XPO7: variants seen among roughly 807,000 people sequenced by gnomAD.
The protein encoded by XPO7 is exportin 7, also known as exportin-7.
XPO7 carries 21 observed loss-of-function variants against 144.3 expected under a neutral mutation model. The observed-to-expected ratio is 0.15, with a 90% CI of 0.10 to 0.21. The LOEUF (loss-of-function observed/expected upper bound fraction) is 0.21. XPO7 is among the 10% of genes least tolerant of loss of function. XPO7 has a pLI of 1.00. For missense variants in XPO7, 808 were observed against 1,325.8 expected, an observed-to-expected ratio of 0.61 and a Z score of 6.06; for synonymous variants, 580 against 499.6, an observed-to-expected ratio of 1.16 and a Z score of -2.15.
At chr8:21,929,673 A>C (rs1225016048) in intron 1 of XPO7, among the ~76,000 whole-genome samples, 1 of 152,222 alleles carries the variant, frequency 6.6e-6, no homozygotes, top group Non-Finnish European at 1.5e-5. Flanking sequence ...TATTTACCAT[A>C]AAGTTTTTCA....
At position 21,974,687 on chromosome 8, in the gene XPO7, T is replaced by C; in HGVS notation, c.510T>C (p.Pro170=). 1 of 1,591,978 alleles carries C rather than the reference T, an allele frequency of 6.3e-7. No individual in the cohort carries two copies. The change falls in exon 6 of 28, where the codon CCT becomes CCC. Residue 170 remains proline (P), a synonymous_variant. Coordinates refer to ENST00000252512, the MANE Select transcript of XPO7 (RefSeq NM_015024.5). The part of the protein sequence containing the change: ...NEINQADTTH[P]LTKHRKIASS... ...CTGCACAGGCAGACACCACCCATCC[T>C]TTAACCAAGCACAGAAAAATAGCCT... is the stretch of plus-strand genomic sequence containing the variant.
chr8:21,934,159 A>G (rs943556402), intron 1 of XPO7, among the ~76,000 whole-genome samples: 2 of 152,236 alleles, frequency 1.3e-5, no homozygotes, highest in African/African-American at 2.4e-5. Flanking sequence ...ACCAATAAAT[A>G]TATATTTATA....
At chr8:21,934,560 T>C (rs1456206490) in intron 1 of XPO7, among the ~76,000 whole-genome samples, 1 of 151,574 alleles carries the variant, frequency 6.6e-6, no homozygotes, top group African/African-American at 2.4e-5. Context: ...TATTTTAAGA[T>C]AGAGAACTGA....
chr8:21,985,732 G>T (rs1197708022), intron 13 of XPO7, 41 bp downstream of exon 13: 1 of 1,572,336 alleles, frequency 6.4e-7, no homozygotes, highest in Admixed American at 1.7e-5. Context: ...TGCCTTGCTG[G>T]CACTTCTCCA....
intron 1 of XPO7, among the ~76,000 whole-genome samples, chr8:21,942,974 T>G (rs1231742519): frequency 6.6e-6 from 1 of 152,228 alleles, no homozygotes; most frequent in African/African-American, 2.4e-5. Flanking sequence ...CTGCCTTAGT[T>G]TGTGCTAAAG....
At chr8:21,927,556 T>C (rs1371178504) in intron 1 of XPO7, among the ~76,000 whole-genome samples, 2 of 150,588 alleles carry the variant, frequency 1.3e-5, no homozygotes, top group African/African-American at 2.5e-5. Flanking sequence ...TTTTTTTTTT[T>C]TTTCTTAAGA....
chr8:21,982,443 C>T (rs1226688762), intron 10 of XPO7, among the ~76,000 whole-genome samples, 197 bp from the exon 11 acceptor site: 1 of 152,072 alleles, frequency 6.6e-6, no homozygotes, highest in Non-Finnish European at 1.5e-5. Flanking sequence ...CATAGAGTAG[C>T]CCTTCTCATT....
chr8:21,950,100 C>T (rs535581350), intron 1 of XPO7, among the ~76,000 whole-genome samples: 8 of 152,332 alleles, frequency 5.3e-5, no homozygotes, highest in Non-Finnish European at 1.2e-4. Context: ...CAGTTCTGAA[C>T]TTGACTGACC....
chr8:21,982,523 A>T, intron 10 of XPO7, 117 bp from the exon 11 acceptor site: 3 of 1,226,486 alleles, frequency 2.4e-6, no homozygotes, highest in Non-Finnish European at 3.3e-6. Context: ...AAGCCCACAA[A>T]AGTCTATCCT....
At chr8:21,974,007 G>GT (rs1001083498) in intron 5 of XPO7, among the ~76,000 whole-genome samples, 3 of 151,580 alleles carry the variant, frequency 2.0e-5, no homozygotes, top group East Asian at 1.9e-4. Flanking sequence ...AGCGTTGAGG[G>GT]TTTTTTTTGT....
chr8:21,971,240 C>T (rs1197385291), intron 4 of XPO7, among the ~76,000 whole-genome samples: 3 of 152,174 alleles, frequency 2.0e-5, no homozygotes, highest in African/African-American at 7.2e-5. Context: ...GATGTTAGCA[C>T]AACAGTGAAA....
intron 5 of XPO7, among the ~76,000 whole-genome samples, chr8:21,973,300 T>A (rs1563327559): frequency 6.6e-6 from 1 of 152,254 alleles, no homozygotes; most frequent in African/African-American, 2.4e-5. Context: ...AATTTTGATA[T>A]ATGTATAATA....
chr8:21,949,209 T>G (rs532388876), intron 1 of XPO7, among the ~76,000 whole-genome samples: 1 of 152,258 alleles, frequency 6.6e-6, no homozygotes, highest in African/African-American at 2.4e-5. Context: ...TAAAATTGTT[T>G]ATTCTCACCC....
intron 1 of XPO7, among the ~76,000 whole-genome samples, chr8:21,924,454 C>A (rs548542486): frequency 2.0e-5 from 3 of 151,918 alleles, no homozygotes; most frequent in Admixed American, 6.6e-5. Context: ...CCCTCCCCCC[C>A]CCACCCCACT....
intron 1 of XPO7, among the ~76,000 whole-genome samples, chr8:21,948,737 G>C (rs147709857): frequency 6.6e-6 from 1 of 151,986 alleles, no homozygotes; most frequent in African/African-American, 2.4e-5. Flanking sequence ...GTATTGAGAG[G>C]CCAGAATTCA....
intron 13 of XPO7, among the ~76,000 whole-genome samples, chr8:21,986,198 C>T (rs1181155748): frequency 5.5e-5 from 8 of 146,706 alleles, no homozygotes; most frequent in Admixed American, 3.5e-4. Flanking sequence ...AGTGCAGTGG[C>T]GCTATCTTAG....
At chr8:21,965,440 G>A (rs999299093) in intron 1 of XPO7, among the ~76,000 whole-genome samples, 11 of 152,116 alleles carry the variant, frequency 7.2e-5, no homozygotes, top group Middle Eastern at 3.2e-3. Context: ...TTGCAATTGC[G>A]ATTTTCTCTG....
chr8:21,946,586 CAAAAAAA>C, intron 1 of XPO7, among the ~76,000 whole-genome samples: 1 of 121,566 alleles, frequency 8.2e-6, no homozygotes, highest in African/African-American at 2.9e-5. Context: ...AAAAAAAAAA[CAAAAAAA>C]AAAAACATGA....
chr8:21,943,562 G>T (rs1262813533), intron 1 of XPO7, among the ~76,000 whole-genome samples: 2 of 152,272 alleles, frequency 1.3e-5, no homozygotes, highest in Non-Finnish European at 1.5e-5. Flanking sequence ...GTATTAAAGG[G>T]TGAGTCATTT....
Sources: allele counts gnomAD v4.1 joint callset (sites outside exome capture counted in the v4.1 genomes callset), GRCh38; gene constraint gnomAD v4.1.1; transcripts MANE v1.5; gene names NCBI Gene and HGNC (gene_info 2026-07-23, HGNC 2026-07-21).